INCENP: variants seen among roughly 807,000 people sequenced by gnomAD.
INCENP encodes the protein binds and activates aurora-B and -C in vivo and in vitro.
INCENP carries 43 observed loss-of-function variants against 107.3 expected under a neutral mutation model. The observed-to-expected ratio is 0.40, with a 90% confidence interval of 0.31 to 0.52. The LOEUF (loss-of-function observed/expected upper bound fraction) is 0.52. INCENP is among the 20% of genes least tolerant of loss of function. INCENP has a pLI of 0.53. For synonymous variants in INCENP, 488 were observed against 494.4 expected (o/e 0.99, Z 0.17); for missense variants, 1,089 against 1,250.9 (o/e 0.87, Z 1.95).
intron 4 of INCENP, among the ~76,000 whole-genome samples, chr11:62,136,506 C>T (rs954442930): frequency 6.6e-6 from 1 of 152,046 alleles, no homozygotes; most frequent in African/African-American, 2.4e-5. Flanking sequence ...ATAGCGAAAC[C>T]CTATCTCTAC....
chr11:62,146,235 A>G (rs11230927), intron 14 of INCENP, among the ~76,000 whole-genome samples: 70,785 of 152,080 alleles, frequency 0.47, 19,205 homozygotes, highest in Middle Eastern at 0.68. Context: ...CAAATCCACC[A>G]TTAGGGGTTA....
At chr11:62,144,625 C>T (rs1468473814) in intron 11 of INCENP, among the ~76,000 whole-genome samples, 1 of 152,210 alleles carries the variant, frequency 6.6e-6, no homozygotes, top group East Asian at 1.9e-4. Context: ...GCTCCTCACC[C>T]TTCCAAGCTC....
rs776360227 is a variant in INCENP, at chr11:62,130,433, G to A, written c.906G>A (p.Ser302=). The A allele has an allele frequency of 2.4e-5, 38 of 1,613,808 alleles. 1 individual carries two copies. The South Asian group carries it at 3.2e-4, about 14-fold the overall frequency. ...CGGGCTCTCGCACGGACTCTCAATC[G>A]GTGCGGCACAGCCCGATCGCCCCGT... is the stretch of plus-strand genomic sequence containing the variant. ...TPTGSRTDSQ[S]VRHSPIAPSS... Residue 302 remains serine (S), a synonymous_variant, in exon 4 of 19, where the codon TCG becomes TCA. Transcript: ENST00000394818.
Position 62,151,859 on chromosome 11 carries a change from C to T in INCENP, c.2640C>T (p.Ile880=), listed in dbSNP as rs936688674. The T allele has an allele frequency of 1.9e-6, 3 of 1,614,112 alleles. No homozygotes were observed. The highest frequency in any genetic ancestry group is 4.5e-5 in the East Asian group (2 of 44,896). ...TTCTCCCACTGGACTTGGAGGATAT[C>T]TTCAAGAAGAGCAAGCCCCGCTATC... is the stretch of plus-strand genomic sequence containing the variant. The part of the protein sequence containing the change: ...GTILPLDLED[I]FKKSKPRYHK... Residue 880 remains isoleucine (I), a synonymous_variant, in exon 19 of 19, where the codon ATC becomes ATT. Transcript: ENST00000394818.
At chr11:62,151,622 A>G (rs1944373660) in intron 18 of INCENP, 140 bp from the exon 19 acceptor site, 1 of 659,480 alleles carries the variant, frequency 1.5e-6, no homozygotes, top group Non-Finnish European at 2.6e-6. Flanking sequence ...TGATGGTGGT[A>G]CAGGCAGGGG....
chr11:62,148,374 G>A lies in INCENP; in HGVS notation c.2205-102G>A, dbSNP rs188134554. ...CCATTCAGCAATCCCACTTTCTAAG[G>A]TGTGTCCTACTGGCTGGGCCTGGTT... On this transcript the variant is annotated intron_variant, in intron 15 of 18. Coordinates refer to ENST00000394818, the MANE Select transcript of INCENP (RefSeq NM_001040694.2). The A allele has an allele frequency of 2.4e-4, 252 of 1,054,650 alleles. 2 individuals carry two copies. In the East Asian group the frequency reaches 6.2e-3, roughly 26 times the overall value. The allele number at this position is 1,054,650 out of a possible 1,614,324, so 65.3% of individuals were successfully genotyped here.
intron 7 of INCENP, among the ~76,000 whole-genome samples, chr11:62,139,991 C>G (rs1944077578): frequency 6.6e-6 from 1 of 152,114 alleles, no homozygotes; most frequent in Admixed American, 6.5e-5. Context: ...GTTGGCCAGG[C>G]TGGTGCTGAA....
intron 17 of INCENP, among the ~76,000 whole-genome samples, chr11:62,149,268 T>G (rs1944322484): frequency 6.6e-6 from 1 of 152,182 alleles, no homozygotes; most frequent in Non-Finnish European, 1.5e-5. Context: ...ATGGTTTTTT[T>G]TCACTTAGTA....
chr11:62,128,533 C>T lies in INCENP; in HGVS notation c.140+232C>T, dbSNP rs1213510251. ...TATTCGCCATCGTTGCTGGCTGGGCCTCTCAGGGTATGTGGCAATGGACGT... is the reference window on the plus strand; with the variant it reads ...TATTCGCCATCGTTGCTGGCTGGGCTTCTCAGGGTATGTGGCAATGGACGT... On this transcript the variant is annotated intron_variant, in intron 2 of 18. Transcript: ENST00000394818. Among the ~76,000 whole-genome samples the T allele has an allele frequency of 5.9e-5, 9 of 152,238 alleles. No individual in the cohort carries two copies. The East Asian group carries it at 1.3e-3, about 23-fold the overall frequency.
At chr11:62,131,393 C>T (rs1205618174) in intron 4 of INCENP, among the ~76,000 whole-genome samples, 1 of 152,210 alleles carries the variant, frequency 6.6e-6, no homozygotes, top group African/African-American at 2.4e-5. Flanking sequence ...GTAATGTTAG[C>T]TGCTCTCTCA....
chr11:62,151,741 C>T, intron 18 of INCENP, 21 bp from the exon 19 acceptor site: 1 of 1,606,902 alleles, frequency 6.2e-7, no homozygotes, highest in Non-Finnish European at 8.5e-7. Context: ...AAGGCAGTGT[C>T]TGGTCTGTGG....
chr11:62,142,223 C>T (rs1028326409), intron 11 of INCENP, among the ~76,000 whole-genome samples: 9 of 152,258 alleles, frequency 5.9e-5, no homozygotes, highest in African/African-American at 2.2e-4. Flanking sequence ...TCTGCAGCCA[C>T]ACAGGGACAC....
intron 1 of INCENP, among the ~76,000 whole-genome samples, chr11:62,125,077 G>T (rs1943721472): frequency 6.6e-6 from 1 of 152,232 alleles, no homozygotes; most frequent in South Asian, 2.1e-4. Context: ...AGGAAGACTG[G>T]AGAGTGTCTT....
At chr11:62,143,041 CAT>C (rs367953508) in intron 11 of INCENP, among the ~76,000 whole-genome samples, 220 of 38,230 alleles carry the variant, frequency 5.8e-3, no homozygotes, top group African/African-American at 0.024. Context: ...AAGAACAACA[CAT>C]AGGATTTGGC....
Position 62,129,948 on chromosome 11 carries a change from C to A in INCENP, c.421C>A (p.Pro141Thr), listed in dbSNP as rs1343160943. The A allele has an allele frequency of 6.2e-7, 1 of 1,613,958 alleles. No homozygotes were observed. Among genetic ancestry groups the A allele is most frequent in the Non-Finnish European group, 8.5e-7 (1 of 1,180,030 alleles). ...AAAATMALAA[P>T]SSPTPESPTM... ...CGCGGCTACCATGGCATTGGCTGCA[C>A]CTTCTTCACCCACCCCTGAGTCTCC... is the stretch of plus-strand genomic sequence containing the variant. The change falls in exon 4 of 19, where the codon CCT becomes ACT. Residue 141 changes from proline to threonine, a missense_variant. By Grantham distance (38) the Pro-to-Thr change is conservative. Transcript: ENST00000394818.
chr11:62,146,694 A>G lies in INCENP; in HGVS notation c.1996A>G (p.Lys666Glu), dbSNP rs2134673337. Residue 666 changes from lysine to glutamate, a missense_variant, in exon 15 of 19, where the codon AAG becomes GAG. By Grantham distance (56) the Lys-to-Glu change is moderately conservative (BLOSUM62 1). Coordinates refer to ENST00000394818, the MANE Select transcript of INCENP (RefSeq NM_001040694.2). Reference protein sequence around the residue: ...EERRHQELLQKKKEEEQERLR... With the variant: ...EERRHQELLQEKKEEEQERLR... ...GCGGCGGCACCAAGAGCTGCTGCAG[A>G]AGAAGAAGGAAGAGGAGCAGGAGCG... 1 of 1,549,584 alleles carries G rather than the reference A, an allele frequency of 6.5e-7. No individual in the cohort carries two copies. The highest frequency in any genetic ancestry group is 1.4e-5 in the African/African-American group (1 of 72,832).
chr11:62,144,245 T>G (rs1315967650), intron 11 of INCENP, among the ~76,000 whole-genome samples: 1 of 151,646 alleles, frequency 6.6e-6, no homozygotes, highest in Non-Finnish European at 1.5e-5. Flanking sequence ...GGCACGAGAA[T>G]TGCTTGAACC....
intron 4 of INCENP, among the ~76,000 whole-genome samples, chr11:62,136,407 C>T (rs1382589207): frequency 4.6e-5 from 7 of 152,076 alleles, no homozygotes; most frequent in Admixed American, 6.6e-5. Flanking sequence ...CTTTTGCAGG[C>T]GCAGTGGCTC....
intron 18 of INCENP, 80 bp downstream of exon 18, chr11:62,150,287 G>A: frequency 6.7e-7 from 1 of 1,487,396 alleles, no homozygotes; most frequent in Non-Finnish European, 9.2e-7. Context: ...TAGTGGGTTG[G>A]CTGCTGCGGT....
Sources: gnomAD v4.1 joint callset for allele counts (sites outside exome capture counted in the v4.1 genomes callset) on GRCh38, gnomAD v4.1.1 for gene constraint, MANE v1.5 for transcripts, NCBI Gene and HGNC (gene_info 2026-07-23, HGNC 2026-07-21) for gene names.